MYO1D: variants seen among roughly 807,000 people sequenced by gnomAD.
MYO1D encodes unconventional myosin-Id.
In MYO1D, 83 loss-of-function variants were observed where a neutral mutation model predicts 122.0. The ratio of observed to expected loss-of-function variants is 0.68; its 90% CI spans 0.57 to 0.82. The LOEUF (loss-of-function observed/expected upper bound fraction) is 0.82, where lower values mean the gene tolerates loss of function less well. MYO1D is among the 40% of genes least tolerant of loss of function. The probability of loss-of-function intolerance (pLI) is 0.00; values close to 1 mark genes in which losing one functional copy is unlikely to be tolerated. For missense variants in MYO1D, 1,157 were observed against 1,269.5 expected (o/e 0.91, Z 1.35); for synonymous variants, 464 against 446.9 (o/e 1.04, Z -0.48).
intron 19 of MYO1D, among the ~76,000 whole-genome samples, chr17:32,653,168 A>G (rs1421965456): frequency 6.6e-6 from 1 of 152,048 alleles, no homozygotes; most frequent in East Asian, 1.9e-4. Context: ...TAAAAGAAAT[A>G]ATGTAGGTAT....
intron 16 of MYO1D, among the ~76,000 whole-genome samples, chr17:32,694,313 G>A (rs923045954): frequency 5.3e-5 from 8 of 152,102 alleles, no homozygotes; most frequent in Admixed American, 3.3e-4. Flanking sequence ...TTAACATGCC[G>A]GTTATTAATA....
chr17:32,843,963 A>G (rs2090909491), intron 1 of MYO1D, among the ~76,000 whole-genome samples: 1 of 152,014 alleles, frequency 6.6e-6, no homozygotes, highest in Non-Finnish European at 1.5e-5. Flanking sequence ...CTAGGAATCT[A>G]TATTAAGAAA....
At chr17:32,773,467 C>T (rs2090141293) in intron 4 of MYO1D, among the ~76,000 whole-genome samples, 1 of 152,114 alleles carries the variant, frequency 6.6e-6, no homozygotes, top group Non-Finnish European at 1.5e-5. Flanking sequence ...TTGCCTTGAT[C>T]CTTCACCTTG....
chr17:32,837,551 C>T (rs2090839853), intron 1 of MYO1D, among the ~76,000 whole-genome samples: 1 of 152,128 alleles, frequency 6.6e-6, no homozygotes, highest in Non-Finnish European at 1.5e-5. Context: ...TAATTAAACA[C>T]TGATAACCAA....
At chr17:32,778,660 A>C (rs2090204930) in intron 2 of MYO1D, 87 bp from the exon 3 acceptor site, 5 of 1,171,918 alleles carry the variant, frequency 4.3e-6, no homozygotes, top group Non-Finnish European at 6.2e-6. Context: ...AAAATCTGAT[A>C]CTGGTGATGC....
intron 21 of MYO1D, chr17:32,505,580 C>T (rs1011273408): frequency 1.2e-4 from 19 of 152,100 alleles, no homozygotes; most frequent in African/African-American, 3.9e-4. Context: ...CAGGCTGCCC[C>T]GTCTGTGAAC....
Position 32,587,442 on chromosome 17 carries a change from G to A in MYO1D, c.2864+17645C>T, listed in dbSNP as rs2087398410. Among the ~76,000 whole-genome samples, 4 of 151,726 alleles carry A rather than the reference G, an allele frequency of 2.6e-5. No homozygotes were observed. The South Asian group carries it at 8.3e-4, about 32-fold the overall frequency. ...CAGAAGAATTGCTTGAACCCAGGAGGTGGGGGTTGCAGTGAGCCAAGATCG... is the reference window on the plus strand; with the variant it reads ...CAGAAGAATTGCTTGAACCCAGGAGATGGGGGTTGCAGTGAGCCAAGATCG... On this transcript the variant is annotated intron_variant, in intron 21 of 21. Transcript: ENST00000318217.
At chr17:32,545,718 A>C (rs1476155681) in intron 21 of MYO1D, among the ~76,000 whole-genome samples, 1 of 151,912 alleles carries the variant, frequency 6.6e-6, no homozygotes, top group Non-Finnish European at 1.5e-5. Context: ...CTTAAATTTT[A>C]TATGCAATTC....
chr17:32,598,412 C>A (rs1219922746), intron 21 of MYO1D, among the ~76,000 whole-genome samples: 1 of 152,292 alleles, frequency 6.6e-6, no homozygotes, highest in South Asian at 2.1e-4. Flanking sequence ...ACTTCATTAG[C>A]ATATCCCAAA....
chr17:32,753,416 T>C (rs571364336), intron 11 of MYO1D, among the ~76,000 whole-genome samples: 1 of 151,910 alleles, frequency 6.6e-6, no homozygotes, highest in African/African-American at 2.4e-5. Context: ...AATAAACAAA[T>C]AAATAATCAC....
chr17:32,520,676 G>C (rs1334977046), intron 21 of MYO1D, among the ~76,000 whole-genome samples: 2 of 152,210 alleles, frequency 1.3e-5, no homozygotes, highest in East Asian at 3.9e-4. Context: ...TCTGACTGGA[G>C]TGCCATTTCC....
intron 1 of MYO1D, among the ~76,000 whole-genome samples, chr17:32,846,836 A>C (rs957719209): frequency 1.9e-4 from 29 of 152,040 alleles, no homozygotes; most frequent in African/African-American, 7.0e-4. Context: ...AAAATTTAAA[A>C]ATTAGCCAGG....
intron 21 of MYO1D, among the ~76,000 whole-genome samples, chr17:32,568,034 G>A (rs225210): frequency 0.67 from 102,032 of 152,000 alleles, 35,887 homozygotes; most frequent in African/African-American, 0.9. Context: ...AATGGTGAGC[G>A]GCAGCTTCCT....
chr17:32,764,303 A>G (rs570322753), intron 8 of MYO1D, among the ~76,000 whole-genome samples: 2 of 152,344 alleles, frequency 1.3e-5, no homozygotes, highest in South Asian at 4.1e-4. Context: ...GACGTTAGTC[A>G]AAGGGTAAAG....
chr17:32,856,842 C>T (rs1385700412), intron 1 of MYO1D, among the ~76,000 whole-genome samples: 2 of 152,178 alleles, frequency 1.3e-5, no homozygotes, highest in Non-Finnish European at 2.9e-5. Context: ...GTTCTATGAG[C>T]ACTTTGATCT....
At chr17:32,737,073 A>G (rs998139354) in intron 14 of MYO1D, among the ~76,000 whole-genome samples, 1 of 152,226 alleles carries the variant, frequency 6.6e-6, no homozygotes, top group Non-Finnish European at 1.5e-5. Flanking sequence ...ATTTATCTAT[A>G]GTGAAGTAAC....
intron 1 of MYO1D, among the ~76,000 whole-genome samples, chr17:32,800,551 G>C (rs1016489975): frequency 6.6e-6 from 1 of 152,138 alleles, no homozygotes; most frequent in Non-Finnish European, 1.5e-5. Context: ...GGAGACCAGG[G>C]GAGGATTGGA....
At position 32,780,742 on chromosome 17, in the gene MYO1D, G is replaced by A. The variant is rs758968994; in HGVS notation, c.138C>T (p.Val46=). 7 of 1,614,018 alleles carry A rather than the reference G, an allele frequency of 4.3e-6. No homozygotes were observed. The highest frequency in any genetic ancestry group is 2.7e-5 in the African/African-American group (2 of 74,904). ...GRIYTFIGEV[V]VSVNPYKLLN... is the part of the protein sequence containing the mutation. ...ACAACTTGTAAGGGTTCACAGAAAC[G>A]ACGACTTCTCCAATGAACGTATAGA... The change falls in exon 2 of 22, where the codon GTC becomes GTT. Residue 46 remains valine, a synonymous_variant. Coordinates refer to ENST00000318217, the MANE Select transcript of MYO1D (RefSeq NM_015194.3).
In MYO1D at chr17:32,715,376, T is replaced by C. The variant is rs1002381807; in HGVS notation, c.1914-3181A>G. Reference sequence around the variant, plus strand: ...TCATATTTCTTGTTAAGATAGTAGATATGTAGGAAGCATCTGTTAATTACT... The same window carrying C: ...TCATATTTCTTGTTAAGATAGTAGACATGTAGGAAGCATCTGTTAATTACT... On this transcript the variant is annotated intron_variant, in intron 15 of 21. Coordinates refer to ENST00000318217, the MANE Select transcript of MYO1D (RefSeq NM_015194.3). Among the ~76,000 whole-genome samples, 77 of 152,208 alleles carry C rather than the reference T, an allele frequency of 5.1e-4. 1 individual carries two copies. Among genetic ancestry groups the C allele is most frequent in the Non-Finnish European group, 9.6e-4 (65 of 68,034 alleles).
Sources: gnomAD v4.1 joint callset for allele counts (sites outside exome capture counted in the v4.1 genomes callset) on GRCh38, gnomAD v4.1.1 for gene constraint, MANE v1.5 for transcripts, NCBI Gene and HGNC (gene_info 2026-07-23, HGNC 2026-07-21) for gene names.